CADPS2: variants seen among roughly 807,000 people sequenced by gnomAD.
The protein encoded by CADPS2 is calcium dependent secretion activator 2.
In CADPS2, 93 loss-of-function variants were observed where a neutral mutation model predicts 172.5. The observed-to-expected ratio is 0.54, with a 90% CI of 0.46 to 0.64. CADPS2 has a LOEUF of 0.64. Ranked by LOEUF, CADPS2 falls within the 30% of genes least tolerant of loss-of-function variation. The probability of loss-of-function intolerance (pLI) is 0.00; values close to 1 mark genes in which losing one functional copy is unlikely to be tolerated. For synonymous variants in CADPS2, 546 were observed against 555.2 expected, an observed-to-expected ratio of 0.98 and a Z score of 0.23; for missense variants, 1,420 against 1,565.9, an observed-to-expected ratio of 0.91 and a Z score of 1.57.
chr7:122,607,913 G>A (rs10281006), intron 6 of CADPS2, among the ~76,000 whole-genome samples: 2,220 of 152,128 alleles, frequency 0.015, 49 homozygotes, highest in African/African-American at 0.048. Context: ...TTTTGCCTTT[G>A]GTTCATTAAA....
At chr7:122,836,078 C>A (rs1808325988) in intron 1 of CADPS2, among the ~76,000 whole-genome samples, 1 of 152,176 alleles carries the variant, frequency 6.6e-6, no homozygotes, top group South Asian at 2.1e-4. Context: ...AACAGTGGAT[C>A]TCTCAGCAGA....
intron 7 of CADPS2, 40 bp from the exon 8 acceptor site, chr7:122,554,729 G>T: frequency 6.5e-7 from 1 of 1,539,286 alleles, no homozygotes; most frequent in Non-Finnish European, 8.8e-7. Flanking sequence ...CGCATGATAC[G>T]GAGTGTCTAT....
intron 24 of CADPS2, among the ~76,000 whole-genome samples, chr7:122,384,531 C>G (rs2043394166): frequency 6.6e-6 from 1 of 151,946 alleles, no homozygotes; most frequent in Non-Finnish European, 1.5e-5. Flanking sequence ...CTTATCTCAG[C>G]ATATATACAG....
chr7:122,724,142 CGTTTTGCACA>C (rs2137221800), intron 2 of CADPS2, among the ~76,000 whole-genome samples: 1 of 151,532 alleles, frequency 6.6e-6, no homozygotes, highest in Non-Finnish European at 1.5e-5. Flanking sequence ...CAAACCTGCA[CGTTTTGCACA>C]TATACCCTAT....
At position 122,466,688 on chromosome 7, in the gene CADPS2, G is replaced by A. The variant is rs548793279; in HGVS notation, c.2186+4687C>T. Among the ~76,000 whole-genome samples, 9 of 152,180 alleles carry A rather than the reference G, an allele frequency of 5.9e-5. No individual in the cohort carries two copies. In the South Asian group the frequency reaches 6.2e-4, roughly 11 times the overall value. On this transcript the variant is annotated intron_variant, in intron 14 of 29. Coordinates refer to ENST00000449022, the MANE Select transcript of CADPS2 (RefSeq NM_017954.11). ...CATGCTATTTAAGCAATATTTCATC[G>A]TTTAAAAAGTACTTACAGAATTTTA...
At chr7:122,749,224 A>G (rs2092843893) in intron 1 of CADPS2, among the ~76,000 whole-genome samples, 1 of 152,136 alleles carries the variant, frequency 6.6e-6, no homozygotes, top group African/African-American at 2.4e-5. Flanking sequence ...AAAGAAATCA[A>G]TGGGTAAGGG....
intron 2 of CADPS2, among the ~76,000 whole-genome samples, chr7:122,692,788 A>G (rs2084561900): frequency 6.6e-6 from 1 of 152,228 alleles, no homozygotes; most frequent in South Asian, 2.1e-4. Flanking sequence ...GGTGAAATGT[A>G]GTTTTATTCA....
At chr7:122,709,657 C>T (rs1229894164) in intron 2 of CADPS2, among the ~76,000 whole-genome samples, 2 of 151,910 alleles carry the variant, frequency 1.3e-5, no homozygotes, top group African/African-American at 2.4e-5. Context: ...GGAACCAACC[C>T]AAATGTCCAA....
At chr7:122,740,846 G>T (rs567724270) in intron 1 of CADPS2, among the ~76,000 whole-genome samples, 2 of 151,996 alleles carry the variant, frequency 1.3e-5, no homozygotes, top group African/African-American at 2.4e-5. Context: ...ACAGAAAAAT[G>T]GACAAAATTG....
At chr7:122,776,662 G>A (rs2093892753) in intron 1 of CADPS2, among the ~76,000 whole-genome samples, 1 of 152,106 alleles carries the variant, frequency 6.6e-6, no homozygotes, top group African/African-American at 2.4e-5. Context: ...CAGAAGACAG[G>A]AAGATGTGGG....
rs1281118348 is a variant in CADPS2, at chr7:122,318,764, A to C, written c.*1401T>G. ...TAAATAGTAACTGTAGATTAAATAG[A>C]TTTTTAAGGCTAGTCTAGGTACCTA... On this transcript the variant is annotated 3_prime_UTR_variant, in exon 30 of 30. Transcript: ENST00000449022. 1 of 152,156 alleles carries C rather than the reference A, an allele frequency of 6.6e-6. No individual in the cohort carries two copies. Among genetic ancestry groups the C allele is most frequent in the Non-Finnish European group, 1.5e-5 (1 of 68,026 alleles). 9.4% of individuals were successfully genotyped at this position (152,156 alleles called of 1,614,324 possible). A position where few individuals can be genotyped will look rare whatever the true frequency, so the allele number is the denominator to read the frequency against.
chr7:122,509,654 A>G (rs982256309), intron 9 of CADPS2, among the ~76,000 whole-genome samples: 1 of 152,198 alleles, frequency 6.6e-6, no homozygotes, highest in Non-Finnish European at 1.5e-5. Context: ...ATGTGCATCA[A>G]TGTAATCATA....
chr7:122,781,996 G>A (rs769077215), intron 1 of CADPS2, among the ~76,000 whole-genome samples: 17 of 152,054 alleles, frequency 1.1e-4, no homozygotes, highest in Non-Finnish European at 2.1e-4. Context: ...CAGATTTTAT[G>A]ACAGAAAAAT....
chr7:122,474,410 G>A lies in CADPS2; in HGVS notation c.1969C>T (p.His657Tyr), dbSNP rs745611048. 4.3e-6 allele frequency: 7 copies of A among 1,613,306 alleles called. No individual in the cohort carries two copies. In the African/African-American group the frequency reaches 9.4e-5, roughly 22 times the overall value. ...FRILQRQTLD[H>Y]RLNDSYSCLG... is the part of the protein sequence containing the mutation. ...CAAGAATAGGAATCATTCAGTCTGT[G>A]ATCCAAAGTCTGCCTCTGGAGTATT... Residue 657 changes from histidine to tyrosine, a missense_variant, in exon 13 of 30, where the codon CAC becomes TAC. By Grantham distance (83) the His-to-Tyr change is moderately conservative. Transcript: ENST00000449022.
intron 7 of CADPS2, among the ~76,000 whole-genome samples, chr7:122,557,027 G>A (rs952644928): frequency 4.6e-5 from 7 of 152,100 alleles, no homozygotes; most frequent in Non-Finnish European, 1.0e-4. Flanking sequence ...CTGGAAAGAC[G>A]TGGGAATGTT....
intron 5 of CADPS2, among the ~76,000 whole-genome samples, chr7:122,620,136 G>A (rs771701560): frequency 1.3e-5 from 2 of 152,200 alleles, no homozygotes; most frequent in Admixed American, 6.5e-5. Flanking sequence ...ACTGTTCTTC[G>A]TAAGACTGTA....
At chr7:122,563,026 G>A (rs1476069590) in intron 7 of CADPS2, among the ~76,000 whole-genome samples, 1 of 152,106 alleles carries the variant, frequency 6.6e-6, no homozygotes, top group Non-Finnish European at 1.5e-5. Flanking sequence ...CTTTCTTGAA[G>A]ATTCCAAAAG....
chr7:122,543,800 C>A (rs1242435375), intron 8 of CADPS2, among the ~76,000 whole-genome samples: 1 of 152,010 alleles, frequency 6.6e-6, no homozygotes, highest in Non-Finnish European at 1.5e-5. Context: ...TAATGTGTAT[C>A]CACTATGTTC....
intron 9 of CADPS2, among the ~76,000 whole-genome samples, chr7:122,513,016 G>A (rs2060113699): frequency 6.6e-6 from 1 of 152,086 alleles, no homozygotes; most frequent in Admixed American, 6.6e-5. Flanking sequence ...AGGGTAAAGA[G>A]TCCAAAAGCA....
Sources: gnomAD v4.1 joint callset for allele counts (sites outside exome capture counted in the v4.1 genomes callset) on GRCh38, gnomAD v4.1.1 for gene constraint, MANE v1.5 for transcripts, NCBI Gene and HGNC (gene_info 2026-07-23, HGNC 2026-07-21) for gene names.